The following BPIFB2 variants were observed in gnomAD, a reference collection of about 807,000 sequenced individuals.
BPIFB2 encodes BPI fold-containing family B member 2.
In BPIFB2, 39 loss-of-function variants were observed where a neutral mutation model predicts 50.1. That is an observed-to-expected ratio of 0.78 (90% CI 0.60 to 1.02). BPIFB2 has a LOEUF of 1.02. BPIFB2 is among the 50% of genes least tolerant of loss of function. BPIFB2 has a pLI of 0.00. For missense variants in BPIFB2, 574 were observed against 585.8 expected (o/e 0.98, Z 0.21); for synonymous variants, 280 against 256.3 (o/e 1.09, Z -0.88).
chr20:33,016,986 C>G (rs1978452768), intron 6 of BPIFB2, 56 bp from the exon 7 acceptor site: 1 of 1,522,066 alleles, frequency 6.6e-7, no homozygotes, highest in East Asian at 2.3e-5. Flanking sequence ...CAGCCTTGTG[C>G]CCTCCAGCCC....
intron 2 of BPIFB2, among the ~76,000 whole-genome samples, chr20:33,008,917 T>C (rs1990249536): frequency 6.6e-6 from 1 of 152,218 alleles, no homozygotes; most frequent in African/African-American, 2.4e-5. Flanking sequence ...TGTGCACATG[T>C]GACTTGCTCA....
At chr20:33,022,396 T>C (rs1978708488) in intron 15 of BPIFB2, among the ~76,000 whole-genome samples, 1 of 152,208 alleles carries the variant, frequency 6.6e-6, no homozygotes, top group African/African-American at 2.4e-5. Flanking sequence ...CCAGGGAGGA[T>C]GCCCTTGTTC....
intron 7 of BPIFB2, 21 bp downstream of exon 7, chr20:33,017,123 G>A (rs1421684862): frequency 6.2e-7 from 1 of 1,612,018 alleles, no homozygotes; most frequent in Non-Finnish European, 8.5e-7. Context: ...GGAGCCAGGG[G>A]AGGGGGCTGG....
chr20:33,020,986 A>G (rs964949461), intron 13 of BPIFB2, among the ~76,000 whole-genome samples: 2 of 152,012 alleles, frequency 1.3e-5, no homozygotes, highest in African/African-American at 4.8e-5. Flanking sequence ...TGGCCAGTCC[A>G]CCTGTTGGTC....
rs181893407 is a variant in BPIFB2 at position 33,009,183 on chromosome 20, G to A, written c.109+500G>A. On this transcript the variant is annotated intron_variant, in intron 2 of 15. Coordinates refer to ENST00000170150, the MANE Select transcript of BPIFB2 (RefSeq NM_025227.3). This position sits in a 1 kb window ranked among gnomAD's most constrained non-coding sequence, Gnocchi z 4.2. ...TCTGTCTAGCACCGTGATGCAAGGA[G>A]TGTTCTAAAGTTATATCCCTTCTGA... 8.5e-5 allele frequency among the ~76,000 whole-genome samples: 13 copies of A among 152,268 alleles called. No homozygotes were observed. The East Asian group carries it at 2.5e-3, about 29-fold the overall frequency.
chr20:33,020,531 T>C lies in BPIFB2; in HGVS notation c.1149-11T>C, dbSNP rs200886934. 3.1e-4 allele frequency: 494 copies of C among 1,606,122 alleles called. 3 individuals carry two copies. The highest frequency in any genetic ancestry group is 6.3e-5 in the Non-Finnish European group (74 of 1,174,916). ...CAGACCCTGTCCTGAATTCTCCTGC[T>C]TCTCTTTCAGGGATGTCCAGCTCAC... On this transcript the variant is annotated splice_polypyrimidine_tract_variant and intron_variant, in intron 12 of 15. Transcript: ENST00000170150.
At position 33,017,119 on chromosome 20, in the gene BPIFB2, AGGGGAGGGGGCTGGGGCCTCT is replaced by A. The variant is rs1568978207; in HGVS notation, c.577+21_577+41del. The A allele has an allele frequency of 3.7e-6, 6 of 1,612,688 alleles. No individual in the cohort carries two copies. The highest frequency in any genetic ancestry group is 5.1e-6 in the Non-Finnish European group (6 of 1,179,334). On this transcript the variant is annotated intron_variant, in intron 7 of 15. Coordinates refer to ENST00000170150, the MANE Select transcript of BPIFB2 (RefSeq NM_025227.3). ...CCTTAATTGGTAAGATCTGGGAGCCAGGGGAGGGGGCTGGGGCCTCTGGGACCCCCTGGAGCCCCTAGAACC... is the reference window on the plus strand; with the variant it reads ...CCTTAATTGGTAAGATCTGGGAGCCAGGGACCCCCTGGAGCCCCTAGAACC...
intron 11 of BPIFB2, 53 bp from the exon 12 acceptor site, chr20:33,020,275 G>A (rs1978611776): frequency 1.3e-6 from 2 of 1,558,332 alleles, no homozygotes; most frequent in Middle Eastern, 1.7e-4. Context: ...TGGGTGGCTG[G>A]TGCCCCCCTC....
chr20:33,019,678 G>C lies in BPIFB2; in HGVS notation c.1008G>C (p.Arg336=). ...TCCACACAAACAACGCCACCCTGCGGCTGCAGCCCTTCGTGGAGGTCCTGG... is the reference window on the plus strand; with the variant it reads ...TCCACACAAACAACGCCACCCTGCGCCTGCAGCCCTTCGTGGAGGTCCTGG... ...AMLHTNNATL[R]LQPFVEVLAT... Residue 336 remains arginine, a synonymous_variant, in exon 11 of 16, where the codon CGG becomes CGC. Transcript: ENST00000170150. The C allele has an allele frequency of 6.2e-7, 1 of 1,612,628 alleles. No individual in the cohort carries two copies. The highest frequency in any genetic ancestry group is 8.5e-7 in the Non-Finnish European group (1 of 1,179,450).
At chr20:33,013,444 CA>C in intron 4 of BPIFB2, among the ~76,000 whole-genome samples, 1 of 152,312 alleles carries the variant, frequency 6.6e-6, no homozygotes, top group East Asian at 1.9e-4. Flanking sequence ...TGGGTGTTTT[CA>C]CATGATTATC....
At chr20:33,015,586 C>A in intron 6 of BPIFB2, 90 bp downstream of exon 6, 24 of 1,085,678 alleles carry the variant, frequency 2.2e-5, no homozygotes, top group Non-Finnish European at 2.6e-5. Flanking sequence ...GCAGGGGGTA[C>A]TTTGCTTGGG....
chr20:33,020,514 G>T, intron 12 of BPIFB2, 28 bp from the exon 13 acceptor site: 1 of 1,602,484 alleles, frequency 6.2e-7, no homozygotes, highest in South Asian at 1.1e-5. Context: ...GCCAGACCCT[G>T]TCCTGAATTC....
intron 5 of BPIFB2, among the ~76,000 whole-genome samples, chr20:33,014,616 A>T (rs1990333784): frequency 6.6e-6 from 1 of 152,148 alleles, no homozygotes; most frequent in Non-Finnish European, 1.5e-5. Context: ...TGGCTTGCAA[A>T]TCCCCCTAGA....
In BPIFB2 at chr20:33,023,361, G is replaced by A. The variant is rs1323914041; in HGVS notation, c.1355G>A (p.Ser452Asn). 6.2e-7 allele frequency: 1 copy of A among 1,613,978 alleles called. No individual in the cohort carries two copies. The highest frequency in any genetic ancestry group is 1.3e-5 in the African/African-American group (1 of 75,032). Residue 452 changes from serine (S) to asparagine (N), a missense_variant, in exon 16 of 16, where the codon AGT (serine) becomes AAT (asparagine). Coordinates refer to ENST00000170150, the MANE Select transcript of BPIFB2 (RefSeq NM_025227.3). Reference protein sequence around the residue: ...FVYEGYVVISSGLFYQS With the variant: ...FVYEGYVVISNGLFYQS ...CTTCAGGGCTACGTGGTGATATCCA[G>A]TGGACTCTTCTACCAGAGCTGAGGC...
Position 33,008,795 on chromosome 20 carries a change from T to G in BPIFB2, c.109+112T>G. On this transcript the variant is annotated intron_variant, in intron 2 of 15. Transcript: ENST00000170150. ...AGGCCCATGAGGACCCAGATTTTAA[T>G]TGGAAGTTGTGTCCCTGGCACCCAG... 8 of 891,498 alleles carry G rather than the reference T, an allele frequency of 9.0e-6. 1 individual carries two copies. The highest frequency in any genetic ancestry group is 1.2e-5 in the Non-Finnish European group (7 of 604,934). 55.2% of individuals were successfully genotyped at this position (891,498 alleles called of 1,614,324 possible).
intron 6 of BPIFB2, among the ~76,000 whole-genome samples, 154 bp from the exon 7 acceptor site, chr20:33,016,888 G>T (rs1365232696): frequency 1.3e-5 from 2 of 152,268 alleles, no homozygotes; most frequent in African/African-American, 2.4e-5. Context: ...AGGGGTCCCA[G>T]GAGATGCCCA....
Position 33,013,956 on chromosome 20 carries a change from G to C in BPIFB2, c.455G>C (p.Ser152Thr), listed in dbSNP as rs1568977093. The C allele has an allele frequency of 7.4e-6, 12 of 1,613,048 alleles. No homozygotes were observed. The highest frequency in any genetic ancestry group is 8.5e-6 in the Non-Finnish European group (10 of 1,179,180). Residue 152 changes from serine (S) to threonine (T), a missense_variant and splice_region_variant, in exon 5 of 16, where the codon AGC (serine) becomes ACC (threonine). By Grantham distance (58) the Ser-to-Thr change is moderately conservative. Coordinates refer to ENST00000170150, the MANE Select transcript of BPIFB2 (RefSeq NM_025227.3). Reference protein sequence around the residue: ...GHANEFDGSNSTSHALLVLVQ... With the variant: ...GHANEFDGSNTTSHALLVLVQ... ...GCCAACGAGTTTGATGGCAGTAACAGGTGGGTGCCTGGTGAGGGCAGGGTC... is the reference window on the plus strand; with the variant it reads ...GCCAACGAGTTTGATGGCAGTAACACGTGGGTGCCTGGTGAGGGCAGGGTC...
chr20:33,015,046 A>G (rs947996630), intron 5 of BPIFB2, among the ~76,000 whole-genome samples: 1 of 152,230 alleles, frequency 6.6e-6, no homozygotes, highest in Non-Finnish European at 1.5e-5. Flanking sequence ...TAGGTGTGTC[A>G]CAGAAAATTG....
chr20:33,008,159 C>T (rs990885497), intron 1 of BPIFB2, among the ~76,000 whole-genome samples: 10 of 152,160 alleles, frequency 6.6e-5, no homozygotes, highest in African/African-American at 1.2e-4. Context: ...GGCTGGACTC[C>T]GGCATCAGGT....
Sources: allele counts gnomAD v4.1 joint callset (sites outside exome capture counted in the v4.1 genomes callset), GRCh38; gene constraint gnomAD v4.1.1; non-coding constraint Gnocchi (gnomAD v3.1); transcripts MANE v1.5; gene names NCBI Gene and HGNC (gene_info 2026-07-23, HGNC 2026-07-21).